Variants in GPC6 observed in about 807,000 individuals in gnomAD.
The protein encoded by GPC6 is glypican-6.
A neutral mutation model predicts 55.2 loss-of-function variants in GPC6; 14 were observed. The ratio of observed to expected loss-of-function variants is 0.25; its 90% CI spans 0.17 to 0.40. The LOEUF (loss-of-function observed/expected upper bound fraction) is 0.40, where lower values mean the gene tolerates loss of function less well. GPC6 is among the 10% of genes least tolerant of loss of function. The pLI, the probability that GPC6 is intolerant of heterozygous loss-of-function variation, is 1.00. For missense variants in GPC6, 641 were observed against 708.5 expected, an observed-to-expected ratio of 0.90 and a Z score of 1.08; for synonymous variants, 278 against 259.6, an observed-to-expected ratio of 1.07 and a Z score of -0.68.
chr13:94,396,628 T>C (rs568263828), intron 7 of GPC6, among the ~76,000 whole-genome samples: 63 of 152,312 alleles, frequency 4.1e-4, no homozygotes, highest in African/African-American at 1.4e-3. Context: ...CCTGGGTCTT[T>C]AAGGGTATTT....
At chr13:94,113,448 C>A (rs1886319753) in intron 4 of GPC6, among the ~76,000 whole-genome samples, 1 of 152,118 alleles carries the variant, frequency 6.6e-6, no homozygotes, top group South Asian at 2.1e-4. Context: ...TTCCCAGCAA[C>A]CCCCATTCAC....
intron 2 of GPC6, among the ~76,000 whole-genome samples, chr13:93,655,003 A>ATTTTTT (rs3884231): frequency 4.7e-4 from 49 of 104,734 alleles, no homozygotes; most frequent in Non-Finnish European, 5.8e-4. Context: ...TGCCCGGCTA[A>ATTTTTT]TTTTTTTTTT....
At chr13:93,789,141 C>T (rs180802705) in intron 2 of GPC6, among the ~76,000 whole-genome samples, 78 of 152,184 alleles carry the variant, frequency 5.1e-4, no homozygotes, top group Middle Eastern at 3.4e-3. Context: ...CAGGGGATGA[C>T]ACTCATGTCT....
intron 7 of GPC6, among the ~76,000 whole-genome samples, chr13:94,384,996 A>G (rs1880338109): frequency 6.6e-6 from 1 of 152,070 alleles, no homozygotes; most frequent in African/African-American, 2.4e-5. Flanking sequence ...TAAGATGGCA[A>G]TGGGAGGCCA....
intron 1 of GPC6, among the ~76,000 whole-genome samples, chr13:93,496,726 T>G (rs1218595827): frequency 6.6e-6 from 1 of 152,192 alleles, no homozygotes; most frequent in African/African-American, 2.4e-5. Context: ...ACTTAATCTC[T>G]CTGTGCTTCA....
chr13:93,729,759 G>A (rs1480096998), intron 2 of GPC6, among the ~76,000 whole-genome samples: 1 of 152,148 alleles, frequency 6.6e-6, no homozygotes, highest in Non-Finnish European at 1.5e-5. Context: ...GCACATGGCT[G>A]TACTATTCAA....
At chr13:93,851,121 T>C (rs1014019754) in intron 3 of GPC6, among the ~76,000 whole-genome samples, 3 of 151,934 alleles carry the variant, frequency 2.0e-5, no homozygotes, top group Admixed American at 6.6e-5. Flanking sequence ...AACAGGACTT[T>C]TTAAAAAATC....
At chr13:94,063,133 C>T (rs984770653) in intron 4 of GPC6, among the ~76,000 whole-genome samples, 25 of 152,110 alleles carry the variant, frequency 1.6e-4, no homozygotes, top group African/African-American at 6.0e-4. Context: ...GATTTTAGAC[C>T]TTCACTGACT....
chr13:93,574,167 A>G (rs1279352244), intron 2 of GPC6, among the ~76,000 whole-genome samples: 1 of 152,224 alleles, frequency 6.6e-6, no homozygotes, highest in East Asian at 1.9e-4. Flanking sequence ...GGTATGTTAA[A>G]GTCCTAACCT....
chr13:94,198,887 T>G (rs1242526193), intron 4 of GPC6, among the ~76,000 whole-genome samples: 1 of 152,164 alleles, frequency 6.6e-6, no homozygotes, highest in Admixed American at 6.5e-5. Flanking sequence ...GAATTCAGAT[T>G]AAATCTTTGT....
At chr13:94,006,868 T>A (rs1348457550) in intron 3 of GPC6, among the ~76,000 whole-genome samples, 1 of 152,206 alleles carries the variant, frequency 6.6e-6, no homozygotes, top group Non-Finnish European at 1.5e-5. Context: ...TATAAAGAAC[T>A]ATTACTGTTT....
intron 1 of GPC6, among the ~76,000 whole-genome samples, chr13:93,425,237 GCTGGGTA>G (rs1410164645): frequency 6.6e-6 from 1 of 152,058 alleles, no homozygotes; most frequent in African/African-American, 2.4e-5. Flanking sequence ...CTGTGGCTCG[GCTGGGTA>G]CTGGCCACTT....
intron 6 of GPC6, among the ~76,000 whole-genome samples, chr13:94,343,074 T>C (rs1201384342): frequency 6.6e-6 from 1 of 152,186 alleles, no homozygotes; most frequent in Non-Finnish European, 1.5e-5. Flanking sequence ...AACACAGAAG[T>C]GATCCTTGTC....
intron 1 of GPC6, among the ~76,000 whole-genome samples, chr13:93,400,709 C>T (rs1024888795): frequency 2.6e-5 from 4 of 151,764 alleles, no homozygotes; most frequent in East Asian, 3.9e-4. Context: ...TCATGTACCT[C>T]GTAGTATACC....
intron 3 of GPC6, among the ~76,000 whole-genome samples, chr13:93,923,905 T>C (rs1422758538): frequency 1.3e-5 from 2 of 152,192 alleles, no homozygotes; most frequent in African/African-American, 4.8e-5. Context: ...TTACTTATTA[T>C]TCAGCTTCTT....
chr13:94,028,329 AT>A (rs1882983373), intron 4 of GPC6, among the ~76,000 whole-genome samples: 1 of 152,124 alleles, frequency 6.6e-6, no homozygotes, highest in African/African-American at 2.4e-5. Flanking sequence ...TGTTTAGCAA[AT>A]TATAAACATT....
intron 2 of GPC6, among the ~76,000 whole-genome samples, chr13:93,805,807 T>G (rs1886527145): frequency 6.6e-6 from 1 of 152,218 alleles, no homozygotes; most frequent in South Asian, 2.1e-4. Flanking sequence ...TGGTTTCAAC[T>G]TAATTCCCTC....
chr13:93,533,832 G>C (rs551719272), intron 1 of GPC6, among the ~76,000 whole-genome samples: 89 of 152,148 alleles, frequency 5.8e-4, no homozygotes, highest in African/African-American at 2.1e-3. Flanking sequence ...GCTTGAGAGA[G>C]AAATCTTCCA....
chr13:93,309,390 A>G (rs978087974), intron 1 of GPC6, among the ~76,000 whole-genome samples: 3 of 151,900 alleles, frequency 2.0e-5, no homozygotes, highest in African/African-American at 7.3e-5. Flanking sequence ...ATGAATATAC[A>G]CATTTATGCT....
Sources: gnomAD v4.1 joint callset for allele counts (sites outside exome capture counted in the v4.1 genomes callset) on GRCh38, gnomAD v4.1.1 for gene constraint, MANE v1.5 for transcripts, NCBI Gene and HGNC (gene_info 2026-07-23, HGNC 2026-07-21) for gene names.